CCDC188: variants seen among roughly 807,000 people sequenced by gnomAD.
CCDC188 encodes coiled-coil domain containing 188, also known as coiled-coil domain-containing protein 188.
CCDC188 carries 37 observed loss-of-function variants against 50.7 expected under a neutral mutation model. That is an observed-to-expected ratio of 0.73 (90% confidence interval 0.56 to 0.96). The LOEUF (loss-of-function observed/expected upper bound fraction) is 0.96. CCDC188 is among the 40% of genes least tolerant of loss of function. The probability of loss-of-function intolerance (pLI) is 0.00; values close to 1 mark genes in which losing one functional copy is unlikely to be tolerated. For missense variants in CCDC188, 453 were observed against 512.9 expected, an observed-to-expected ratio of 0.88 and a Z score of 1.13; for synonymous variants, 208 against 228.0, an observed-to-expected ratio of 0.91 and a Z score of 0.79.
intron 7 of CCDC188, 33 bp from the exon 8 acceptor site, chr22:20,148,957 C>T (rs1343571781): frequency 5.5e-6 from 8 of 1,462,034 alleles, no homozygotes; most frequent in South Asian, 1.4e-5. Context: ...GAGCCCACCC[C>T]GAGTGTCCAG....
In CCDC188 at chr22:20,149,872, C is replaced by G. The variant is rs1274692872; in HGVS notation, c.732+83G>C. ...CCACTGGCCTACTGCACGAAGACCT[C>G]CCTCCCTAATGAATCCCTCAGGCCC... is the stretch of plus-strand genomic sequence containing the variant. On this transcript the variant is annotated intron_variant, in intron 3 of 8. Coordinates refer to ENST00000439765, the MANE Select transcript of CCDC188 (RefSeq NM_001365892.2). 11 of 1,487,088 alleles carry G rather than the reference C, an allele frequency of 7.4e-6. No individual in the cohort carries two copies. In the South Asian group the frequency reaches 1.5e-4, roughly 20 times the overall value. 92.1% of individuals were successfully genotyped at this position (1,487,088 alleles called of 1,614,324 possible). A position where few individuals can be genotyped will look rare whatever the true frequency, so the allele number is the denominator to read the frequency against.
chr22:20,150,415 C>T, intron 1 of CCDC188, 53 bp downstream of exon 1: 2 of 806,576 alleles, frequency 2.5e-6, no homozygotes, highest in Admixed American at 5.3e-5. Context: ...GCAGGGGTAC[C>T]AGGCGGTGGG....
Position 20,148,590 on chromosome 22 carries a change from T to G in CCDC188, c.*24A>C. 6.6e-7 allele frequency: 1 copy of G among 1,520,452 alleles called. No individual in the cohort carries two copies. Among genetic ancestry groups the G allele is most frequent in the African/African-American group, 1.4e-5 (1 of 71,750 alleles). The allele number at this position is 1,520,452 out of a possible 1,614,324, so 94.2% of individuals were successfully genotyped here. ...GGCAGTGCTGGTCGCCTGGCCTCCT[T>G]GCTGGGGCCGCTGGGCCTCTGGCCT... is the stretch of plus-strand genomic sequence containing the variant. On this transcript the variant is annotated 3_prime_UTR_variant, in exon 9 of 9. Coordinates refer to ENST00000439765, the MANE Select transcript of CCDC188 (RefSeq NM_001365892.2).
At chr22:20,149,924 T>C (rs74381692) in intron 3 of CCDC188, 31 bp downstream of exon 3, 1 of 1,511,240 alleles carries the variant, frequency 6.6e-7, no homozygotes, top group African/African-American at 1.4e-5. Flanking sequence ...CGAAGCTTCC[T>C]CCCCCCCCAC....
Position 20,148,604 on chromosome 22 carries a change from G to A in CCDC188, c.*10C>T. On this transcript the variant is annotated 3_prime_UTR_variant, in exon 9 of 9. Transcript: ENST00000439765. ...CCTGGCCTCCTTGCTGGGGCCGCTG[G>A]GCCTCTGGCCTAGAAGGGCAGGAAG... is the stretch of plus-strand genomic sequence containing the variant. 10 of 1,532,698 alleles carry A rather than the reference G, an allele frequency of 6.5e-6. No individual in the cohort carries two copies. Among genetic ancestry groups the A allele is most frequent in the Non-Finnish European group, 8.8e-6 (10 of 1,139,970 alleles). The allele number at this position is 1,532,698 out of a possible 1,614,324, so 94.9% of individuals were successfully genotyped here.
rs1423146888 is a variant in CCDC188, at chr22:20,150,613, C to A, written c.374G>T (p.Gly125Val). The A allele has an allele frequency of 3.2e-6, 5 of 1,543,820 alleles. No homozygotes were observed. In the South Asian group the frequency reaches 4.8e-5, roughly 15 times the overall value. The change falls in exon 1 of 9, where the codon GGG becomes GTG. Residue 125 changes from glycine (G) to valine (V), a missense_variant. Coordinates refer to ENST00000439765, the MANE Select transcript of CCDC188 (RefSeq NM_001365892.2). Reference protein sequence around the residue: ...APRQGGSIGSGTRPCPCPPLS... With the variant: ...APRQGGSIGSVTRPCPCPPLS... ...GGGTGGGCATGGGCAGGGTCTGGTCCCTGAGCCAATGGATCCCCCCTGCCT... is the reference window on the plus strand; with the variant it reads ...GGGTGGGCATGGGCAGGGTCTGGTCACTGAGCCAATGGATCCCCCCTGCCT...
At position 20,148,885 on chromosome 22, in the gene CCDC188, C is replaced by G. The variant is rs1478010237; in HGVS notation, c.1012G>C (p.Gly338Arg). 1.3e-6 allele frequency: 2 copies of G among 1,512,794 alleles called. No individual in the cohort carries two copies. The highest frequency in any genetic ancestry group is 2.5e-5 in the South Asian group (2 of 79,500). 93.7% of individuals were successfully genotyped at this position (1,512,794 alleles called of 1,614,324 possible). ...PKLGSSKGLA[G>R]QLWLLTLRLL... Reference sequence around the variant, plus strand: ...CGTGCAGTCACCTACCAGAGCTGGCCTGCCAGGCCCTTGGAGCTTCCCAGC... The same window carrying G: ...CGTGCAGTCACCTACCAGAGCTGGCGTGCCAGGCCCTTGGAGCTTCCCAGC... The change falls in exon 8 of 9, where the codon GGC becomes CGC. Residue 338 changes from glycine to arginine, a missense_variant. Transcript: ENST00000439765.
chr22:20,149,173 C>A lies in CCDC188; in HGVS notation c.972+14G>T. On this transcript the variant is annotated intron_variant, in intron 7 of 8. Transcript: ENST00000439765. ...GCTGGTCTCCAGACCCAGAGTGGGG[C>A]GTGGGGGGCTCACCGACATGCTTGC... 4 of 1,463,074 alleles carry A rather than the reference C, an allele frequency of 2.7e-6. No individual in the cohort carries two copies. The South Asian group carries it at 5.8e-5, about 21-fold the overall frequency. The allele number at this position is 1,463,074 out of a possible 1,614,324, so 90.6% of individuals were successfully genotyped here.
intron 6 of CCDC188, 31 bp downstream of exon 6, chr22:20,149,381 T>A (rs1401548843): frequency 6.5e-7 from 1 of 1,549,908 alleles, no homozygotes; most frequent in African/African-American, 1.4e-5. Context: ...GAGACCCTGC[T>A]CAGCTGGCCC....
intron 3 of CCDC188, 30 bp downstream of exon 3, chr22:20,149,925 C>A: frequency 3.7e-6 from 5 of 1,350,322 alleles, no homozygotes; most frequent in Non-Finnish European, 5.0e-6. Context: ...GAAGCTTCCT[C>A]CCCCCCCACA....
rs1180063101 is a variant in CCDC188 at position 20,148,697 on chromosome 22, G to C, written c.1126C>G (p.Leu376Val). 1 of 1,542,818 alleles carries C rather than the reference G, an allele frequency of 6.5e-7. No homozygotes were observed. The highest frequency in any genetic ancestry group is 8.7e-7 in the Non-Finnish European group (1 of 1,143,518). ...AGCTTCCAGACGGTGGCACGGCTCA[G>C]CAGGGGTGGCACCAGCCCCTCGAAA... The part of the protein sequence containing the change: ...TPFEGLVPPL[L>V]SRATVWKLRA... The change falls in exon 9 of 9, where the codon CTG becomes GTG. Residue 376 changes from leucine (L) to valine (V), a missense_variant. Coordinates refer to ENST00000439765, the MANE Select transcript of CCDC188 (RefSeq NM_001365892.2).
intron 4 of CCDC188, 40 bp from the exon 5 acceptor site, chr22:20,149,680 C>T (rs1205530341): frequency 1.9e-6 from 3 of 1,544,954 alleles, no homozygotes; most frequent in Middle Eastern, 1.7e-4. Context: ...GCAGGACCCA[C>T]TGGGTGGGCC....
chr22:20,149,645 G>C lies in CCDC188; in HGVS notation c.790-5C>G, dbSNP rs1334680152. On this transcript the variant is annotated splice_polypyrimidine_tract_variant and splice_region_variant and intron_variant, in intron 4 of 8. Coordinates refer to ENST00000439765, the MANE Select transcript of CCDC188 (RefSeq NM_001365892.2). ...CTCAGCCACGTTGTCCCACACCTAG[G>C]GGGAGGTGGGGTCACGCCTGAGGAG... 11 of 1,549,806 alleles carry C rather than the reference G, an allele frequency of 7.1e-6. No individual in the cohort carries two copies. Among genetic ancestry groups the C allele is most frequent in the Non-Finnish European group, 9.6e-6 (11 of 1,146,774 alleles).
rs1223942488 is a variant in CCDC188 at position 20,150,123 on chromosome 22, T to C, written c.627+20A>G. ...CTAGAGGGGCGTTGGCTGCATGGGGTCCCTGGGCCCTGTATTTACCCAGGC... is the reference window on the plus strand; with the variant it reads ...CTAGAGGGGCGTTGGCTGCATGGGGCCCCTGGGCCCTGTATTTACCCAGGC... On this transcript the variant is annotated intron_variant, in intron 2 of 8. Coordinates refer to ENST00000439765, the MANE Select transcript of CCDC188 (RefSeq NM_001365892.2). 6.5e-7 allele frequency: 1 copy of C among 1,541,418 alleles called. No individual in the cohort carries two copies. Among genetic ancestry groups the C allele is most frequent in the Admixed American group, 2.0e-5 (1 of 50,556 alleles).
At position 20,148,734 on chromosome 22, in the gene CCDC188, C is replaced by T; in HGVS notation, c.1089G>A (p.Val363=). The change falls in exon 9 of 9, where the codon GTG becomes GTA. Residue 363 remains valine (V), a synonymous_variant. Transcript: ENST00000439765. Reference sequence around the variant, plus strand: ...CCAGCCCCTCGAAAGGTGTGGGGTTCACCACGTACACGTAGGCAGCGGTCC... The same window carrying T: ...CCAGCCCCTCGAAAGGTGTGGGGTTTACCACGTACACGTAGGCAGCGGTCC... ...LVWTAAYVYV[V]NPTPFEGLVP... is the part of the protein sequence containing the mutation. 3 of 1,515,294 alleles carry T rather than the reference C, an allele frequency of 2.0e-6. No homozygotes were observed. Among genetic ancestry groups the T allele is most frequent in the Non-Finnish European group, 2.7e-6 (3 of 1,128,736 alleles). 93.9% of individuals were successfully genotyped at this position (1,515,294 alleles called of 1,614,324 possible).
chr22:20,150,299 C>CTGG, intron 1 of CCDC188, 49 bp from the exon 2 acceptor site: 1 of 1,034,124 alleles, frequency 9.7e-7, no homozygotes, highest in Non-Finnish European at 1.4e-6. Flanking sequence ...GCCGCTCCTG[C>CTGG]GGCTGGGGCT....
In CCDC188 at chr22:20,150,039, C is replaced by T. The variant is rs1336006769; in HGVS notation, c.648G>A (p.Thr216=). The T allele has an allele frequency of 5.8e-6, 9 of 1,547,788 alleles. No homozygotes were observed. The highest frequency in any genetic ancestry group is 2.0e-5 in the Admixed American group (1 of 50,910). ...ALAWPPDPAG[T]QPLGNRAPLQ... ...GAGGTGCCCTGTTCCCCAAGGGCTG[C>T]GTGCCAGCCGGGTCGGGGGGCTGTG... The change falls in exon 3 of 9, where the codon ACG becomes ACA. Residue 216 remains threonine, a synonymous_variant. Coordinates refer to ENST00000439765, the MANE Select transcript of CCDC188 (RefSeq NM_001365892.2).
In CCDC188 at chr22:20,149,248, CG is replaced by C. The variant is rs2050572606; in HGVS notation, c.915-5del. 3 of 1,498,226 alleles carry C rather than the reference CG, an allele frequency of 2.0e-6. No individual in the cohort carries two copies. The highest frequency in any genetic ancestry group is 4.5e-5 in the Admixed American group (2 of 44,132). 92.8% of individuals were successfully genotyped at this position (1,498,226 alleles called of 1,614,324 possible). A position where few individuals can be genotyped will look rare whatever the true frequency, so the allele number is the denominator to read the frequency against. ...AGTGCGGCACTGGGCCCGCTCCCTG[CG>C]GGGGCCTCACTGTCAGGACCCCACA... On this transcript the variant is annotated splice_region_variant and splice_polypyrimidine_tract_variant and intron_variant, in intron 6 of 8. Coordinates refer to ENST00000439765, the MANE Select transcript of CCDC188 (RefSeq NM_001365892.2).
Position 20,150,062 on chromosome 22 carries a change from G to A in CCDC188, c.628-3C>T. 1.9e-6 allele frequency: 3 copies of A among 1,546,664 alleles called. No homozygotes were observed. The highest frequency in any genetic ancestry group is 2.6e-6 in the Non-Finnish European group (3 of 1,145,444). On this transcript the variant is annotated splice_region_variant and splice_polypyrimidine_tract_variant and intron_variant, in intron 2 of 8. Transcript: ENST00000439765. ...TGCGTGCCAGCCGGGTCGGGGGGCT[G>A]TGGGAGAGCCCCCAGATCAGCCCTA... is the stretch of plus-strand genomic sequence containing the variant.
Sources: allele counts gnomAD v4.1 joint callset, GRCh38; gene constraint gnomAD v4.1.1; transcripts MANE v1.5; gene names NCBI Gene and HGNC (gene_info 2026-07-23, HGNC 2026-07-21).